Variants in CSMD2 observed in about 807,000 individuals in gnomAD.
CSMD2 encodes the protein CUB and sushi domain-containing protein 2.
Under a neutral mutation model 398.5 loss-of-function variants are expected in CSMD2, and 130 were observed. The ratio of observed to expected loss-of-function variants is 0.33; its 90% confidence interval spans 0.28 to 0.38. The LOEUF is 0.38. CSMD2 is among the 10% of genes least tolerant of loss of function. The pLI, the probability that CSMD2 is intolerant of heterozygous loss-of-function variation, is 1.00. For missense variants in CSMD2, 3,829 were observed against 4,764.9 expected, an observed-to-expected ratio of 0.80 and a Z score of 5.78; for synonymous variants, 1,828 against 1,908.5, an observed-to-expected ratio of 0.96 and a Z score of 1.10.
At chr1:33,642,116 G>A (rs1198646838) in intron 29 of CSMD2, among the ~76,000 whole-genome samples, 2 of 152,066 alleles carry the variant, frequency 1.3e-5, no homozygotes, top group Non-Finnish European at 2.9e-5. Flanking sequence ...GGAGGCCAAG[G>A]TGGGTGGATC....
intron 53 of CSMD2, among the ~76,000 whole-genome samples, chr1:33,564,862 T>C (rs1305470467): frequency 6.6e-6 from 1 of 152,208 alleles, no homozygotes; most frequent in Non-Finnish European, 1.5e-5. Context: ...GAAGGAAAAC[T>C]TGCACTTTAC....
chr1:34,096,257 A>G (rs1659286677), intron 1 of CSMD2, among the ~76,000 whole-genome samples: 1 of 151,952 alleles, frequency 6.6e-6, no homozygotes, highest in African/African-American at 2.4e-5. Flanking sequence ...GATGGGACAT[A>G]TTTCAAAATA....
rs946896544 is a variant in CSMD2 at position 33,624,816 on chromosome 1, G to C, written c.5501-173C>G. On this transcript the variant is annotated intron_variant, in intron 34 of 70. Coordinates refer to ENST00000373381, the MANE Select transcript of CSMD2 (RefSeq NM_001281956.2). This position sits in a 1 kb window ranked among gnomAD's most constrained non-coding sequence, Gnocchi z 4.7. ...GGCCTCTCCCCATGCAACTCTGTTC[G>C]GGGCCCTGGGCCCAGCTCCTCTCTC... Among the ~76,000 whole-genome samples the C allele has an allele frequency of 1.3e-5, 2 of 152,064 alleles. No individual in the cohort carries two copies. Among genetic ancestry groups the C allele is most frequent in the African/African-American group, 2.4e-5 (1 of 41,398 alleles).
At chr1:33,814,500 T>C (rs1412270164) in intron 9 of CSMD2, among the ~76,000 whole-genome samples, 1 of 152,172 alleles carries the variant, frequency 6.6e-6, no homozygotes, top group Non-Finnish European at 1.5e-5. Flanking sequence ...TCTTAGCCGA[T>C]GACTTTGGCT....
At chr1:33,944,220 T>C (rs1644769614) in intron 3 of CSMD2, among the ~76,000 whole-genome samples, 1 of 150,780 alleles carries the variant, frequency 6.6e-6, no homozygotes, top group Admixed American at 6.6e-5. Context: ...ATGATTCATA[T>C]CTCAGGAACG....
chr1:33,991,608 A>G (rs888999134), intron 3 of CSMD2, among the ~76,000 whole-genome samples: 1 of 152,122 alleles, frequency 6.6e-6, no homozygotes, highest in Admixed American at 6.5e-5. Context: ...CAATTAAAAA[A>G]TCCCCCTGAA....
At chr1:33,661,673 A>C (rs886340231) in intron 26 of CSMD2, among the ~76,000 whole-genome samples, 4 of 152,330 alleles carry the variant, frequency 2.6e-5, no homozygotes, top group South Asian at 4.1e-4. Flanking sequence ...TAAATGGACA[A>C]ATTTATAAGT....
At chr1:34,121,675 T>G (rs1662198415) in intron 1 of CSMD2, among the ~76,000 whole-genome samples, 1 of 152,268 alleles carries the variant, frequency 6.6e-6, no homozygotes, top group African/African-American at 2.4e-5. Flanking sequence ...CTTTGTAAAA[T>G]CACAGTGTCC....
intron 3 of CSMD2, among the ~76,000 whole-genome samples, chr1:33,960,484 C>T (rs910489554): frequency 6.6e-5 from 10 of 152,342 alleles, no homozygotes; most frequent in Non-Finnish European, 1.2e-4. Flanking sequence ...CTCTGTGGAG[C>T]AGTCTGGGCC....
At chr1:33,517,020 A>G (rs1458723007) in intron 70 of CSMD2, among the ~76,000 whole-genome samples, 3 of 151,778 alleles carry the variant, frequency 2.0e-5, no homozygotes, top group Non-Finnish European at 4.4e-5. Flanking sequence ...CTTTTTTTTA[A>G]TGGAGGAAGG....
intron 24 of CSMD2, among the ~76,000 whole-genome samples, chr1:33,698,002 G>A (rs778213059): frequency 6.6e-6 from 1 of 152,232 alleles, no homozygotes; most frequent in South Asian, 2.1e-4. Flanking sequence ...GGGGTGGAGA[G>A]AGAGACAGAT....
chr1:33,905,088 T>C (rs1303205558), intron 5 of CSMD2, among the ~76,000 whole-genome samples: 2 of 152,078 alleles, frequency 1.3e-5, no homozygotes, highest in Non-Finnish European at 2.9e-5. Flanking sequence ...TAGAGGCACA[T>C]GCCACTGTGC....
intron 13 of CSMD2, among the ~76,000 whole-genome samples, chr1:33,757,264 A>G (rs1569763742): frequency 6.6e-6 from 1 of 152,176 alleles, no homozygotes; most frequent in Admixed American, 6.5e-5. Flanking sequence ...ATATGTAACT[A>G]ACCTGCACAT....
intron 3 of CSMD2, among the ~76,000 whole-genome samples, chr1:33,942,030 G>C (rs1234057377): frequency 6.6e-6 from 1 of 152,120 alleles, no homozygotes; most frequent in Non-Finnish European, 1.5e-5. Flanking sequence ...TCAGTTCCAA[G>C]AACAGTGCCT....
At chr1:33,925,371 T>C (rs1644091417) in intron 4 of CSMD2, among the ~76,000 whole-genome samples, 1 of 152,226 alleles carries the variant, frequency 6.6e-6, no homozygotes, top group African/African-American at 2.4e-5. Flanking sequence ...TATGAATTTA[T>C]TTCTGGACTC....
At chr1:34,037,850 A>T (rs1651343704) in intron 2 of CSMD2, among the ~76,000 whole-genome samples, 1 of 152,102 alleles carries the variant, frequency 6.6e-6, no homozygotes, top group Non-Finnish European at 1.5e-5. Flanking sequence ...CCTAGACCCT[A>T]GTTTCTCGGT....
At chr1:33,766,227 G>A (rs556487091) in intron 13 of CSMD2, among the ~76,000 whole-genome samples, 4 of 152,234 alleles carry the variant, frequency 2.6e-5, no homozygotes, top group East Asian at 3.9e-4. Flanking sequence ...ATGTATCTAC[G>A]GAACATGTCC....
At chr1:33,974,221 C>T (rs1046322315) in intron 3 of CSMD2, among the ~76,000 whole-genome samples, 3 of 152,338 alleles carry the variant, frequency 2.0e-5, no homozygotes, top group East Asian at 3.9e-4. Flanking sequence ...AATGCAGCGG[C>T]TCACAGGGAC....
chr1:34,016,709 C>G (rs371435093), intron 3 of CSMD2, among the ~76,000 whole-genome samples: 3 of 152,148 alleles, frequency 2.0e-5, no homozygotes, highest in African/African-American at 7.2e-5. Flanking sequence ...AAATGCCCAT[C>G]AGTGATAGAC....
Sources: gnomAD v4.1 joint callset for allele counts (sites outside exome capture counted in the v4.1 genomes callset) on GRCh38, gnomAD v4.1.1 for gene constraint, Gnocchi (gnomAD v3.1) non-coding constraint, MANE v1.5 for transcripts, NCBI Gene and HGNC (gene_info 2026-07-23, HGNC 2026-07-21) for gene names.